KIR3DL1: variants seen among roughly 807,000 people sequenced by gnomAD.
KIR3DL1 encodes killer cell immunoglobulin-like receptor 3DL1.
Under a neutral mutation model 40.3 loss-of-function variants are expected in KIR3DL1, and 50 were observed. That is an observed-to-expected ratio of 1.24 (90% CI 0.99 to 1.57). The LOEUF (loss-of-function observed/expected upper bound fraction) is 1.57. Ranked by LOEUF, KIR3DL1 falls within the 40% of genes most tolerant of loss-of-function variation. The pLI is 0.00. For missense variants in KIR3DL1, 661 were observed against 559.9 expected (o/e 1.18, Z -1.82); for synonymous variants, 257 against 207.2 (o/e 1.24, Z -2.07).
At chr19:54,820,102 T>A in intron 4 of KIR3DL1, 90 bp downstream of exon 4, 4 of 1,368,302 alleles carry the variant, frequency 2.9e-6, no homozygotes, top group Non-Finnish European at 4.1e-6. Context: ...ATGAGGAAGA[T>A]AAGTGTGGGA....
In KIR3DL1 at chr19:54,829,380, C is replaced by A; in HGVS notation, c.1020C>A (p.His340Gln). The stretch of plus-strand genomic sequence containing the variant: ...TTCCAGGTAACCCCAGACACCTGCA[C>A]ATTCTGATTGGGACCTCAGTGGTCA... Residue 340 changes from histidine to glutamine, a missense_variant, in exon 7 of 9, where the codon CAC (histidine) becomes CAA (glutamine). Around this residue, in one of 3 missense-constraint regions of KIR3DL1, gnomAD observed 107 missense variants for 129.4 expected, o/e 0.83. Coordinates refer to ENST00000391728, the Ensembl canonical transcript of KIR3DL1. 1.4e-6 allele frequency: 2 copies of A among 1,467,716 alleles called. 1 individual carries two copies. Among genetic ancestry groups the A allele is most frequent in the Non-Finnish European group, 1.9e-6 (2 of 1,071,624 alleles). The allele number at this position is 1,467,716 out of a possible 1,614,324, so 90.9% of individuals were successfully genotyped here. A position where few individuals can be genotyped will look rare whatever the true frequency, so the allele number is the denominator to read the frequency against.
At chr19:54,823,031 C>CTT (rs200236016) in intron 5 of KIR3DL1, among the ~76,000 whole-genome samples, 47 of 137,478 alleles carry the variant, frequency 3.4e-4, no homozygotes, top group East Asian at 4.1e-4. Context: ...TGAAAGTTCT[C>CTT]TTTTTTTTTT....
intron 6 of KIR3DL1, 115 bp from the exon 7 acceptor site, chr19:54,829,246 G>A: frequency 1.1e-6 from 1 of 872,830 alleles, no homozygotes; most frequent in South Asian, 1.6e-5. Flanking sequence ...CGCCATCTGG[G>A]TGCTTGTCCG....
chr19:54,822,687 C>T (rs1356824201), intron 5 of KIR3DL1, among the ~76,000 whole-genome samples: 1 of 150,944 alleles, frequency 6.6e-6, no homozygotes, highest in Non-Finnish European at 1.5e-5. Context: ...CCCTTCCTGG[C>T]CTCTGGTGTC....
At chr19:54,824,651 G>T (rs1463800741) in intron 5 of KIR3DL1, among the ~76,000 whole-genome samples, 1 of 150,862 alleles carries the variant, frequency 6.6e-6, no homozygotes, top group Non-Finnish European at 1.5e-5. Flanking sequence ...ACTCCAGCCT[G>T]CATGACAGAG....
chr19:54,824,367 C>T (rs1654640), intron 5 of KIR3DL1, among the ~76,000 whole-genome samples: 26,501 of 150,000 alleles, frequency 0.18, 1,916 homozygotes, highest in South Asian at 0.3. Flanking sequence ...TGTAAGTTCT[C>T]GGCACCTTTG....
Position 54,820,026 on chromosome 19 carries a change from G to A in KIR3DL1, c.655+14G>A. 1 of 1,606,696 alleles carries A rather than the reference G, an allele frequency of 6.2e-7. No homozygotes were observed. Among genetic ancestry groups the A allele is most frequent in the Non-Finnish European group, 8.5e-7 (1 of 1,176,176 alleles). On this transcript the variant is annotated intron_variant, in intron 4 of 8. Coordinates refer to ENST00000391728, the Ensembl canonical transcript of KIR3DL1. ...TCGTGGTCACAGGTGAGAGTGTCTA[G>A]ACATTGTTCTCATTGTCACTGGGAC...
intron 5 of KIR3DL1, among the ~76,000 whole-genome samples, chr19:54,822,348 G>A (rs1601363214): frequency 6.6e-6 from 1 of 151,312 alleles, no homozygotes; most frequent in East Asian, 1.9e-4. Flanking sequence ...TTATATGCTG[G>A]GTGTGGTGGT....
chr19:54,819,960 C>T lies in KIR3DL1; in HGVS notation c.603C>T (p.His201=), dbSNP rs2061552672. 1.9e-5 allele frequency: 31 copies of T among 1,611,734 alleles called. 4 individuals are homozygous for T. The South Asian group carries it at 2.0e-4, about 10-fold the overall frequency. The change falls in exon 4 of 9, where the codon CAC becomes CAT. Residue 201 remains histidine (H), a synonymous_variant. Coordinates refer to ENST00000391728, the Ensembl canonical transcript of KIR3DL1. ...ACAGATGCTACGGTTCTGTTACTCA[C>T]ACCCCCTATCAGTTGTCAGCTCCCA...
chr19:54,817,677 A>C, intron 2 of KIR3DL1, 108 bp downstream of exon 2: 3 of 887,570 alleles, frequency 3.4e-6, no homozygotes, highest in Non-Finnish European at 5.1e-6. Flanking sequence ...GGAAGAGGGG[A>C]CCCTCGGATG....
rs1219582233 is a variant in KIR3DL1 at position 54,827,354 on chromosome 19, G to A, written c.1001-2007G>A. On this transcript the variant is annotated intron_variant, in intron 6 of 8. Coordinates refer to ENST00000391728, the Ensembl canonical transcript of KIR3DL1. ...CTCCTGTAACCCAGCACTGCAGGAG[G>A]CTAAGGCCAGTGGATTCCAAGAAGT... 1.3e-4 allele frequency among the ~76,000 whole-genome samples: 20 copies of A among 151,148 alleles called. 1 individual carries two copies. The highest frequency in any genetic ancestry group is 2.5e-4 in the Non-Finnish European group (17 of 67,932).
At chr19:54,819,179 T>C (rs2061506552) in intron 3 of KIR3DL1, among the ~76,000 whole-genome samples, 1 of 150,968 alleles carries the variant, frequency 6.6e-6, no homozygotes, top group East Asian at 1.9e-4. Context: ...GGGGTCAGTG[T>C]GTTCTCTCCC....
At chr19:54,827,662 T>C (rs3097896) in intron 6 of KIR3DL1, among the ~76,000 whole-genome samples, 27,776 of 149,674 alleles carry the variant, frequency 0.19, 3,077 homozygotes, top group South Asian at 0.32. Flanking sequence ...CACACACGAA[T>C]GACAAAGGCA....
intron 2 of KIR3DL1, 132 bp from the exon 3 acceptor site, chr19:54,818,183 C>G (rs202089292): frequency 3.4e-6 from 3 of 890,500 alleles, no homozygotes; most frequent in Non-Finnish European, 3.4e-6. Context: ...AGGATGGGTC[C>G]TTCCTGTAGC....
At chr19:54,821,834 G>A (rs1382997823) in exon 5 of KIR3DL1, 2 of 1,602,560 alleles carry the variant, frequency 1.2e-6, no homozygotes, top group Non-Finnish European at 8.5e-7. Flanking sequence ...AGACCCGAGT[G>A]ACCCACTGCT....
intron 6 of KIR3DL1, among the ~76,000 whole-genome samples, chr19:54,828,259 G>A (rs2062013261): frequency 6.6e-6 from 1 of 151,122 alleles, no homozygotes; most frequent in Admixed American, 6.6e-5. Flanking sequence ...CTTGGAGAAT[G>A]CAAGTTGTTT....
chr19:54,829,194 A>G (rs2062073454), intron 6 of KIR3DL1, among the ~76,000 whole-genome samples, 167 bp from the exon 7 acceptor site: 1 of 142,682 alleles, frequency 7.0e-6, no homozygotes. Flanking sequence ...CATGGTTACT[A>G]TGAGAGCTAT....
At chr19:54,825,442 A>C (rs2061834814) in intron 6 of KIR3DL1, among the ~76,000 whole-genome samples, 1 of 150,316 alleles carries the variant, frequency 6.7e-6, no homozygotes, top group Admixed American at 6.6e-5. Context: ...GGTGTTTTAG[A>C]GAAGTTCCAC....
chr19:54,820,807 A>G (rs1450717543), intron 4 of KIR3DL1, among the ~76,000 whole-genome samples: 1 of 151,248 alleles, frequency 6.6e-6, no homozygotes, highest in Non-Finnish European at 1.5e-5. Context: ...ACAAAGACAG[A>G]GAAAGATAAA....
Sources: allele counts gnomAD v4.1 joint callset (sites outside exome capture counted in the v4.1 genomes callset), GRCh38; gene constraint gnomAD v4.1.1; regional missense constraint gnomAD v4.1.1; transcripts MANE v1.5; gene names NCBI Gene and HGNC (gene_info 2026-07-23, HGNC 2026-07-21).